SPATA16: variants seen among roughly 807,000 people sequenced by gnomAD.
SPATA16 encodes the protein spermatogenesis-associated protein 16.
Under a neutral mutation model 63.3 loss-of-function variants are expected in SPATA16, and 36 were observed. The ratio of observed to expected loss-of-function variants is 0.57; its 90% CI spans 0.44 to 0.75. The LOEUF is 0.75. Ranked by LOEUF, SPATA16 falls within the 30% of genes least tolerant of loss-of-function variation. The pLI, the probability that SPATA16 is intolerant of heterozygous loss-of-function variation, is 0.00. For synonymous variants in SPATA16, 203 were observed against 216.7 expected, an observed-to-expected ratio of 0.94 and a Z score of 0.56; for missense variants, 646 against 679.3, an observed-to-expected ratio of 0.95 and a Z score of 0.54.
intron 2 of SPATA16, among the ~76,000 whole-genome samples, chr3:173,060,684 C>G (rs923408472): frequency 6.6e-6 from 1 of 152,308 alleles, no homozygotes; most frequent in South Asian, 2.1e-4. Context: ...GCTAAAAGAT[C>G]TAGTGATTTG....
At chr3:172,991,891 T>G (rs1415552025) in intron 4 of SPATA16, among the ~76,000 whole-genome samples, 1 of 152,294 alleles carries the variant, frequency 6.6e-6, no homozygotes. Context: ...GCAAACAGTT[T>G]TTTATTTATC....
intron 3 of SPATA16, among the ~76,000 whole-genome samples, chr3:173,024,730 G>A (rs1266966642): frequency 6.6e-6 from 1 of 150,522 alleles, no homozygotes; most frequent in Non-Finnish European, 1.5e-5. Context: ...CAATCAAACT[G>A]ATATTAGGTT....
chr3:173,022,149 G>A (rs926443298), intron 3 of SPATA16, among the ~76,000 whole-genome samples: 3 of 151,958 alleles, frequency 2.0e-5, no homozygotes, highest in East Asian at 3.9e-4. Context: ...TGACACTATC[G>A]GAACCATTAC....
intron 2 of SPATA16, among the ~76,000 whole-genome samples, chr3:173,069,040 G>T (rs1736600528): frequency 6.6e-6 from 1 of 150,464 alleles, no homozygotes; most frequent in Admixed American, 6.6e-5. Flanking sequence ...AACCCGGGAG[G>T]CGGAGCTTGC....
At chr3:172,943,569 A>G (rs9865656) in intron 6 of SPATA16, among the ~76,000 whole-genome samples, 13,271 of 152,086 alleles carry the variant, frequency 0.087, 1,936 homozygotes, top group African/African-American at 0.3. Flanking sequence ...GTGAAACCCC[A>G]TCCCTACTAA....
intron 2 of SPATA16, among the ~76,000 whole-genome samples, chr3:173,076,971 A>G (rs1417553093): frequency 6.6e-6 from 1 of 152,112 alleles, no homozygotes; most frequent in Admixed American, 6.6e-5. Context: ...CCATACTGCT[A>G]AAAATATATG....
intron 2 of SPATA16, among the ~76,000 whole-genome samples, chr3:173,078,557 T>C (rs1736856367): frequency 1.3e-5 from 2 of 152,218 alleles, no homozygotes; most frequent in Non-Finnish European, 1.5e-5. Flanking sequence ...ATTGTGATTC[T>C]GACCATGCAA....
At chr3:172,905,010 T>C (rs1231196346) in intron 10 of SPATA16, among the ~76,000 whole-genome samples, 1 of 152,032 alleles carries the variant, frequency 6.6e-6, no homozygotes, top group Non-Finnish European at 1.5e-5. Context: ...CCTTGGGTCT[T>C]GTCTCCCTCC....
chr3:172,945,951 G>A (rs1733274080), intron 6 of SPATA16, among the ~76,000 whole-genome samples: 1 of 152,136 alleles, frequency 6.6e-6, no homozygotes, highest in Non-Finnish European at 1.5e-5. Flanking sequence ...CCAACCACAG[G>A]TAGTACAGCT....
Position 172,900,727 on chromosome 3 carries a change from G to A in SPATA16, c.1588-11035C>T, listed in dbSNP as rs540669919. 1.9e-4 allele frequency among the ~76,000 whole-genome samples: 29 copies of A among 151,580 alleles called. No homozygotes were observed. In the East Asian group the frequency reaches 4.7e-3, roughly 25 times the overall value. Reference sequence around the variant, plus strand: ...ATGATCTCGGCTCACTGCAACATCCGCCTCCCGGATTCAAGTGATTCTCCT... The same window carrying A: ...ATGATCTCGGCTCACTGCAACATCCACCTCCCGGATTCAAGTGATTCTCCT... On this transcript the variant is annotated intron_variant, in intron 10 of 10. Coordinates refer to ENST00000351008, the MANE Select transcript of SPATA16 (RefSeq NM_031955.6).
rs538636029 is a variant in SPATA16 at position 173,030,285 on chromosome 3, C to T, written c.759-10710G>A. ...TCAAAGGACAATATAAACAGAGTAACACAGCAGCCCACAGAATGGGAGAAA... is the reference window on the plus strand; with the variant it reads ...TCAAAGGACAATATAAACAGAGTAATACAGCAGCCCACAGAATGGGAGAAA... On this transcript the variant is annotated intron_variant, in intron 3 of 10. Transcript: ENST00000351008. Among the ~76,000 whole-genome samples the T allele has an allele frequency of 1.8e-4, 27 of 152,094 alleles. No individual in the cohort carries two copies. The South Asian group carries it at 5.4e-3, about 30-fold the overall frequency.
intron 5 of SPATA16, among the ~76,000 whole-genome samples, chr3:172,975,621 T>C (rs1196723404): frequency 1.3e-5 from 2 of 152,176 alleles, no homozygotes; most frequent in African/African-American, 4.8e-5. Flanking sequence ...GTTTGTATGT[T>C]CCAGATTATC....
rs747217288 is a variant in SPATA16 at position 172,928,615 on chromosome 3, A to C, written c.1082-3123T>G. On this transcript the variant is annotated intron_variant, in intron 6 of 10. Transcript: ENST00000351008. The stretch of plus-strand genomic sequence containing the variant: ...TTGTCCTTAAATATTTGATAGATAG[A>C]TAGGAGAGCAATACTATTATTGGCA... Among the ~76,000 whole-genome samples, 4 of 152,244 alleles carry C rather than the reference A, an allele frequency of 2.6e-5. No individual in the cohort carries two copies. The South Asian group carries it at 8.3e-4, about 31-fold the overall frequency.
chr3:172,976,330 C>A (rs1734158277), intron 5 of SPATA16, among the ~76,000 whole-genome samples: 1 of 151,972 alleles, frequency 6.6e-6, no homozygotes. Flanking sequence ...TCAGCAGAAA[C>A]TTATTGACAG....
At chr3:173,138,158 G>A (rs1738602590) in intron 1 of SPATA16, among the ~76,000 whole-genome samples, 2 of 152,028 alleles carry the variant, frequency 1.3e-5, no homozygotes, top group Non-Finnish European at 2.9e-5. Flanking sequence ...GTTCAAGACA[G>A]CATTGAATTC....
chr3:172,907,637 G>A (rs1364021587), intron 10 of SPATA16, among the ~76,000 whole-genome samples: 4 of 151,558 alleles, frequency 2.6e-5, no homozygotes, highest in Admixed American at 2.6e-4. Context: ...GTGCAATGGC[G>A]CGATCTTGGC....
chr3:173,097,554 A>T (rs1167364110), intron 2 of SPATA16, among the ~76,000 whole-genome samples: 1 of 152,158 alleles, frequency 6.6e-6, no homozygotes, highest in African/African-American at 2.4e-5. Context: ...AAAAGGCATT[A>T]CATTTGTGGG....
intron 1 of SPATA16, among the ~76,000 whole-genome samples, chr3:173,118,937 A>G (rs1177814374): frequency 6.6e-6 from 1 of 152,266 alleles, no homozygotes; most frequent in Non-Finnish European, 1.5e-5. Context: ...GCTTCCTTTT[A>G]TCTTCAAGGT....
At chr3:173,061,605 G>C (rs1190412970) in intron 2 of SPATA16, among the ~76,000 whole-genome samples, 1 of 151,988 alleles carries the variant, frequency 6.6e-6, no homozygotes, top group Admixed American at 6.6e-5. Context: ...AGACATCAAG[G>C]GTATTGCAAT....
Sources: allele counts gnomAD v4.1 joint callset (sites outside exome capture counted in the v4.1 genomes callset), GRCh38; gene constraint gnomAD v4.1.1; transcripts MANE v1.5; gene names NCBI Gene and HGNC (gene_info 2026-07-23, HGNC 2026-07-21).